Variants in DAZAP1 observed in about 807,000 individuals in gnomAD.
The protein encoded by DAZAP1 is DAZ-associated protein 1.
DAZAP1 carries 6 observed loss-of-function variants against 60.1 expected under a neutral mutation model. The observed-to-expected ratio is 0.10, with a 90% CI of 0.05 to 0.20. The LOEUF is 0.20. DAZAP1 is among the 10% of genes least tolerant of loss of function. The pLI is 1.00. For missense variants in DAZAP1, 366 were observed against 560.4 expected (o/e 0.65, Z 3.50); for synonymous variants, 235 against 215.9 (o/e 1.09, Z -0.78).
In DAZAP1 at chr19:1,433,765, C is replaced by G. The variant is rs1234015476; in HGVS notation, c.1049-972C>G. ...CCTGGGTTCCTATTCTCCAGCCCCG[C>G]CGGGCTGCGGCCCACACTTTGTTTA... is the stretch of plus-strand genomic sequence containing the variant. On this transcript the variant is annotated intron_variant, in intron 11 of 11. Coordinates refer to ENST00000233078, the MANE Select transcript of DAZAP1 (RefSeq NM_018959.4). The surrounding 1 kb of genome is among the most constrained non-coding windows in gnomAD (Gnocchi z 6.1). 3 of 1,613,862 alleles carry G rather than the reference C, an allele frequency of 1.9e-6. No homozygotes were observed. The African/African-American group carries it at 4.0e-5, about 22-fold the overall frequency.
At chr19:1,421,678 A>T (rs1043200818) in intron 5 of DAZAP1, among the ~76,000 whole-genome samples, 1 of 152,246 alleles carries the variant, frequency 6.6e-6, no homozygotes, top group African/African-American at 2.4e-5. Context: ...GAGCTGGGAC[A>T]GCCGGAGGGG....
In DAZAP1 at chr19:1,432,992, G is replaced by C. The variant is rs142639253; in HGVS notation, c.1048+302G>C. The C allele has an allele frequency of 1.4e-3, 552 of 391,318 alleles. 13 individuals are homozygous for C. Among genetic ancestry groups the C allele is most frequent in the South Asian group, 0.014 (415 of 29,556 alleles). 24.2% of individuals were successfully genotyped at this position (391,318 alleles called of 1,614,324 possible). ...AGGGAAGTGAGTCGCAGGCAGCTGT[G>C]ATCACTGTCTAGAGGTTCAGGCCCT... On this transcript the variant is annotated intron_variant, in intron 11 of 11. Transcript: ENST00000233078. The surrounding 1 kb of genome is among the most constrained non-coding windows in gnomAD (Gnocchi z 4.9).
intron 4 of DAZAP1, among the ~76,000 whole-genome samples, chr19:1,420,486 A>G (rs2083124060): frequency 6.8e-6 from 1 of 146,338 alleles, no homozygotes; most frequent in Non-Finnish European, 1.5e-5. Context: ...TGGATAGGGA[A>G]AAAAAAAAAA....
At position 1,426,814 on chromosome 19, in the gene DAZAP1, C is replaced by T. The variant is rs1248529440; in HGVS notation, c.546+854C>T. 2 of 152,230 alleles carry T rather than the reference C, an allele frequency of 1.3e-5. No individual in the cohort carries two copies. Among genetic ancestry groups the T allele is most frequent in the Non-Finnish European group, 2.9e-5 (2 of 68,036 alleles). The allele number at this position is 152,230 out of a possible 1,614,324, so 9.4% of individuals were successfully genotyped here. On this transcript the variant is annotated intron_variant, in intron 7 of 11. Transcript: ENST00000233078. The surrounding 1 kb of genome is among the most constrained non-coding windows in gnomAD (Gnocchi z 5.4). ...CTGCTGGCTCTGCCAGGCCGCCTCA[C>T]ATGCCCAGTGGGATTCTGACCCGGC...
intron 4 of DAZAP1, among the ~76,000 whole-genome samples, chr19:1,420,023 A>C (rs1352459540): frequency 3.4e-4 from 13 of 38,390 alleles, no homozygotes; most frequent in Admixed American, 7.2e-4. Flanking sequence ...CCATCCCTAC[A>C]GTCACGGCGG....
chr19:1,431,981 G>C (rs1290759410), intron 10 of DAZAP1: 3 of 163,464 alleles, frequency 1.8e-5, no homozygotes, highest in African/African-American at 7.2e-5. Context: ...GCCTGGATCA[G>C]GCTCTGCACA....
In DAZAP1 at chr19:1,434,615, C is replaced by T. The variant is rs1054499237; in HGVS notation, c.1049-122C>T. 8.0e-5 allele frequency: 83 copies of T among 1,032,978 alleles called. No homozygotes were observed. Among genetic ancestry groups the T allele is most frequent in the Non-Finnish European group, 1.1e-4 (78 of 700,722 alleles). The allele number at this position is 1,032,978 out of a possible 1,614,324, so 64.0% of individuals were successfully genotyped here. A position where few individuals can be genotyped will look rare whatever the true frequency, so the allele number is the denominator to read the frequency against. On this transcript the variant is annotated intron_variant, in intron 11 of 11. Transcript: ENST00000233078. The surrounding 1 kb of genome is among the most constrained non-coding windows in gnomAD (Gnocchi z 8.0). Reference sequence around the variant, plus strand: ...GTGCTGGCCTCAGAAGGGCCCCACCCGCACCCCGTGGGACCCGTGGACTCA... The same window carrying T: ...GTGCTGGCCTCAGAAGGGCCCCACCTGCACCCCGTGGGACCCGTGGACTCA...
At chr19:1,429,045 G>C in intron 8 of DAZAP1, 50 bp downstream of exon 8, 3 of 1,521,158 alleles carry the variant, frequency 2.0e-6, no homozygotes, top group South Asian at 2.6e-5. Flanking sequence ...TCTCGGACTT[G>C]GCCCGCGCGC....
rs541246439 is a variant in DAZAP1, at chr19:1,412,820, C to G, written c.30-4680C>G. ...CCTGCCAGGTGTCGAGCTGCAGGCC[C>G]TGGGTGCCAGGCTTGCAGATCCTGG... On this transcript the variant is annotated intron_variant, in intron 1 of 11. Coordinates refer to ENST00000233078, the MANE Select transcript of DAZAP1 (RefSeq NM_018959.4). Among the ~76,000 whole-genome samples the G allele has an allele frequency of 1.4e-4, 21 of 152,360 alleles. No homozygotes were observed. The East Asian group carries it at 4.0e-3, about 29-fold the overall frequency.
rs531513487 is a variant in DAZAP1 at position 1,434,917 on chromosome 19, C to T, written c.*5C>T. On this transcript the variant is annotated 3_prime_UTR_variant, in exon 12 of 12. Transcript: ENST00000233078. This position sits in a 1 kb window ranked among gnomAD's most constrained non-coding sequence, Gnocchi z 8.0. ...TTCCACCCCTACCGACGCTAGCCCG[C>T]GGCGCCGCGACGTCTGCACGGCCCA... The T allele has an allele frequency of 1.1e-5, 16 of 1,437,246 alleles. No homozygotes were observed. The highest frequency in any genetic ancestry group is 1.8e-4 in the Middle Eastern group (1 of 5,454). The allele number at this position is 1,437,246 out of a possible 1,614,324, so 89.0% of individuals were successfully genotyped here.
chr19:1,430,783 C>T (rs1163882445), intron 10 of DAZAP1, among the ~76,000 whole-genome samples: 2 of 151,198 alleles, frequency 1.3e-5, no homozygotes, highest in East Asian at 3.9e-4. Flanking sequence ...TGCAGTGGCG[C>T]AATCGCGGCT....
intron 1 of DAZAP1, 31 bp downstream of exon 1, chr19:1,407,833 C>T (rs1395569485): frequency 1.9e-6 from 2 of 1,064,110 alleles, no homozygotes; most frequent in South Asian, 4.4e-5. Flanking sequence ...CCTGCGTCTC[C>T]GCCCCGAGCC....
rs759457510 is a variant in DAZAP1, at chr19:1,434,055, T to C, written c.1049-682T>C. 135 of 569,748 alleles carry C rather than the reference T, an allele frequency of 2.4e-4. No homozygotes were observed. Among genetic ancestry groups the C allele is most frequent in the Non-Finnish European group, 3.9e-4 (123 of 318,488 alleles). 35.3% of individuals were successfully genotyped at this position (569,748 alleles called of 1,614,324 possible). ...CACCCGAATGGGAACCCAGAGGTCGTGGGAGGGGCTTCCTGCAAGGTGTGC... is the reference window on the plus strand; with the variant it reads ...CACCCGAATGGGAACCCAGAGGTCGCGGGAGGGGCTTCCTGCAAGGTGTGC... On this transcript the variant is annotated intron_variant, in intron 11 of 11. Transcript: ENST00000233078. This position sits in a 1 kb window ranked among gnomAD's most constrained non-coding sequence, Gnocchi z 8.0.
chr19:1,414,126 C>T (rs1480749943), intron 1 of DAZAP1, among the ~76,000 whole-genome samples: 1 of 151,734 alleles, frequency 6.6e-6, no homozygotes, highest in African/African-American at 2.4e-5. Context: ...AGCAGTACAC[C>T]TCGAGCTCAG....
chr19:1,413,991 G>C (rs1379315666), intron 1 of DAZAP1, among the ~76,000 whole-genome samples: 2 of 118,984 alleles, frequency 1.7e-5, no homozygotes, highest in Non-Finnish European at 3.3e-5. Context: ...CCAGTGAACT[G>C]TGTGTGTGTG....
intron 5 of DAZAP1, among the ~76,000 whole-genome samples, chr19:1,421,704 T>A (rs895851340): frequency 6.6e-6 from 1 of 152,166 alleles, no homozygotes; most frequent in African/African-American, 2.4e-5. Flanking sequence ...CGGGGAGCCC[T>A]CCTAGTCACC....
intron 1 of DAZAP1, among the ~76,000 whole-genome samples, chr19:1,411,419 C>A (rs897457408): frequency 6.6e-6 from 1 of 152,236 alleles, no homozygotes; most frequent in Non-Finnish European, 1.5e-5. Context: ...CTGGGAGCAT[C>A]TGTGCTTTTG....
At chr19:1,413,001 C>T (rs1005729148) in intron 1 of DAZAP1, among the ~76,000 whole-genome samples, 3 of 152,224 alleles carry the variant, frequency 2.0e-5, no homozygotes, top group Non-Finnish European at 4.4e-5. Flanking sequence ...CTTCCAGTGT[C>T]GGAGATGCCG....
rs1406806210 is a variant in DAZAP1, at chr19:1,428,752, T to C, written c.547-90T>C. ...TAGTCTTAAGTTGTAAGATGCTAAG[T>C]GTAGTCATAAGTTACCCGAGGGTGT... On this transcript the variant is annotated intron_variant, in intron 7 of 11. Coordinates refer to ENST00000233078, the MANE Select transcript of DAZAP1 (RefSeq NM_018959.4). This position sits in a 1 kb window ranked among gnomAD's most constrained non-coding sequence, Gnocchi z 4.0. The C allele has an allele frequency of 2.7e-6, 4 of 1,458,896 alleles. No homozygotes were observed. The African/African-American group carries it at 5.6e-5, about 21-fold the overall frequency. 90.4% of individuals were successfully genotyped at this position (1,458,896 alleles called of 1,614,324 possible).
Sources: gnomAD v4.1 joint callset for allele counts (sites outside exome capture counted in the v4.1 genomes callset) on GRCh38, gnomAD v4.1.1 for gene constraint, Gnocchi (gnomAD v3.1) non-coding constraint, MANE v1.5 for transcripts, NCBI Gene and HGNC (gene_info 2026-07-23, HGNC 2026-07-21) for gene names.